The following AMPD3 variants were observed in gnomAD, a reference collection of about 807,000 sequenced individuals.
The protein encoded by AMPD3 is adenosine monophosphate deaminase 3, also known as AMP deaminase 3.
Under a neutral mutation model 82.3 loss-of-function variants are expected in AMPD3, and 57 were observed. The observed-to-expected ratio is 0.69, with a 90% CI of 0.56 to 0.86. The LOEUF (loss-of-function observed/expected upper bound fraction) is 0.86, where lower values mean the gene tolerates loss of function less well. AMPD3 is among the 40% of genes least tolerant of loss of function. The pLI is 0.00. For synonymous variants in AMPD3, 381 were observed against 394.7 expected (o/e 0.97, Z 0.41); for missense variants, 870 against 1,003.8 (o/e 0.87, Z 1.80).
At chr11:10,470,504 A>T (rs1415262653) in intron 2 of AMPD3, among the ~76,000 whole-genome samples, 1 of 152,234 alleles carries the variant, frequency 6.6e-6, no homozygotes, top group African/African-American at 2.4e-5. Context: ...CTATTCAAAC[A>T]GGAAAAGAGG....
In AMPD3 at chr11:10,474,261, G is replaced by A. The variant is rs147459623; in HGVS notation, c.222-4265G>A. Among the ~76,000 whole-genome samples the A allele has an allele frequency of 2.3e-4, 35 of 152,286 alleles. No individual in the cohort carries two copies. In the East Asian group the frequency reaches 2.9e-3, roughly 13 times the overall value. On this transcript the variant is annotated intron_variant, in intron 2 of 14. Coordinates refer to ENST00000396553, the MANE Select transcript of AMPD3 (RefSeq NM_001025389.2). ...GTTTATTGAATGAAGTGGGGTCCAC[G>A]TGTGGCCCCCAGCTCATAGTACACA...
intron 2 of AMPD3, chr11:10,477,859 A>G (rs974278871): frequency 1.0e-6 from 1 of 984,928 alleles, no homozygotes; most frequent in African/African-American, 1.7e-5. Context: ...GATCTTGCAG[A>G]TCTCCTTGGC....
At chr11:10,496,287 T>C in intron 9 of AMPD3, 2 of 985,396 alleles carry the variant, frequency 2.0e-6, no homozygotes, top group South Asian at 9.4e-5. Flanking sequence ...CCCCGCCTTC[T>C]TCTCATTGTG....
intron 7 of AMPD3, chr11:10,494,387 AG>A: frequency 4.6e-6 from 1 of 217,124 alleles, no homozygotes; most frequent in Non-Finnish European, 7.8e-6. Context: ...ATGATAAAAA[AG>A]TTCTGGAAAT....
chr11:10,462,620 C>G (rs187895476), intron 2 of AMPD3, among the ~76,000 whole-genome samples: 1 of 152,206 alleles, frequency 6.6e-6, no homozygotes, highest in African/African-American at 2.4e-5. Flanking sequence ...TGCTGGCACA[C>G]TTGGGAAACA....
intron 1 of AMPD3, chr11:10,460,827 G>A (rs2133821020): frequency 1.1e-6 from 1 of 930,202 alleles, no homozygotes; most frequent in African/African-American, 1.8e-5. Context: ...TGAGGCCAGT[G>A]ACTGTTAGTA....
chr11:10,471,898 A>C (rs1042762206), intron 2 of AMPD3, among the ~76,000 whole-genome samples: 2 of 152,242 alleles, frequency 1.3e-5, no homozygotes, highest in African/African-American at 4.8e-5. Context: ...GCTATTCCTC[A>C]AGAATCTAGA....
At position 10,482,227 on chromosome 11, in the gene AMPD3, T is replaced by A; in HGVS notation, c.589+2T>A. On this transcript the variant is annotated splice_donor_variant, in intron 4 of 14. Transcript: ENST00000396553. LOFTEE classifies it high-confidence loss of function. ...CACCTCCGGAAGAGGGCCTTCCAGG[T>A]ATGGAGCTCTGGCTGGAGGTTGGGT... 1 of 1,611,194 alleles carries A rather than the reference T, an allele frequency of 6.2e-7. No individual in the cohort carries two copies. Among genetic ancestry groups the A allele is most frequent in the South Asian group, 1.1e-5 (1 of 90,974 alleles).
chr11:10,453,833 T>G (rs1848019867), upstream of AMPD3, among the ~76,000 whole-genome samples: 1 of 151,992 alleles, frequency 6.6e-6, no homozygotes, highest in African/African-American at 2.4e-5. Context: ...GTGATCCACC[T>G]GCCTCGGGCT....
chr11:10,503,436 G>A (rs946646312), intron 13 of AMPD3, among the ~76,000 whole-genome samples: 2 of 152,124 alleles, frequency 1.3e-5, no homozygotes, highest in Non-Finnish European at 2.9e-5. Flanking sequence ...TGATGGTGTC[G>A]ACAAGACCAG....
upstream of AMPD3, chr11:10,450,732 C>T (rs1847938857): frequency 2.7e-6 from 3 of 1,125,502 alleles, no homozygotes; most frequent in Non-Finnish European, 3.3e-6. Flanking sequence ...TTCAGGTAGC[C>T]TCTCGGCTCT....
chr11:10,490,426 C>A, intron 6 of AMPD3: 1 of 943,212 alleles, frequency 1.1e-6, no homozygotes, highest in Non-Finnish European at 1.3e-6. Flanking sequence ...GTGCTGTGTT[C>A]GATTATTGAT....
At chr11:10,479,111 T>C (rs1384942159) in intron 3 of AMPD3, among the ~76,000 whole-genome samples, 1 of 152,204 alleles carries the variant, frequency 6.6e-6, no homozygotes, top group East Asian at 1.9e-4. Context: ...CTGAGTGGTT[T>C]GTGTGAAATT....
At chr11:10,473,979 G>C (rs1335901977) in intron 2 of AMPD3, among the ~76,000 whole-genome samples, 2 of 152,122 alleles carry the variant, frequency 1.3e-5, no homozygotes, top group African/African-American at 4.8e-5. Context: ...CTGAGTGTGC[G>C]TGGGGGAGGA....
At chr11:10,461,436 C>T (rs1428859040) in intron 1 of AMPD3, 79 bp from the exon 2 acceptor site, 4 of 1,609,058 alleles carry the variant, frequency 2.5e-6, no homozygotes, top group South Asian at 1.1e-5. Flanking sequence ...TGGGCCTGGC[C>T]CTCACTTCAG....
In AMPD3 at chr11:10,493,336, C is replaced by T. The variant is rs376226597; in HGVS notation, c.940-13C>T. ...GTGGCCTGACTCAGGGCCTGGTGGG[C>T]GCTGTGTTCCAGGTGGACACACACA... On this transcript the variant is annotated splice_polypyrimidine_tract_variant and intron_variant, in intron 6 of 14. Coordinates refer to ENST00000396553, the MANE Select transcript of AMPD3 (RefSeq NM_001025389.2). 8.7e-6 allele frequency: 14 copies of T among 1,613,904 alleles called. No individual in the cohort carries two copies. Among genetic ancestry groups the T allele is most frequent in the Non-Finnish European group, 1.2e-5 (14 of 1,180,008 alleles).
At chr11:10,454,430 G>GTT (rs1476441774), upstream of AMPD3, among the ~76,000 whole-genome samples, 1 of 152,268 alleles carries the variant, frequency 6.6e-6, no homozygotes, top group South Asian at 2.1e-4. Flanking sequence ...ATTAATAGGT[G>GTT]TTTTTTTCCT....
upstream of AMPD3, chr11:10,450,826 C>T (rs1191018052): frequency 8.4e-6 from 10 of 1,193,080 alleles, no homozygotes; most frequent in East Asian, 3.7e-4. Context: ...GGCGGCCCTC[C>T]CTCCTCCCGC....
intron 9 of AMPD3, chr11:10,496,162 G>A (rs1441158221): frequency 1.1e-5 from 10 of 923,468 alleles, no homozygotes; most frequent in Non-Finnish European, 1.3e-5. Context: ...TGATCCACCT[G>A]CCTCAGCCTC....
Sources: gnomAD v4.1 joint callset for allele counts (sites outside exome capture counted in the v4.1 genomes callset) on GRCh38, gnomAD v4.1.1 for gene constraint, MANE v1.5 for transcripts, NCBI Gene and HGNC (gene_info 2026-07-23, HGNC 2026-07-21) for gene names.